MTCL2: variants seen among roughly 807,000 people sequenced by gnomAD.
The protein encoded by MTCL2 is microtubule cross-linking factor 2.
chr20:36,844,400 AAAT>A, the MTCL2 span, among the ~76,000 whole-genome samples: 17 of 145,132 alleles, frequency 1.2e-4, no homozygotes, highest in African/African-American at 2.3e-4. Flanking sequence ...TACAAAAAAA[AAAT>A]AATAATAATA....
chr20:36,802,821 G>A, the MTCL2 span: 1 of 1,568,690 alleles, frequency 6.4e-7, no homozygotes. Context: ...ACTCTCCCTT[G>A]CGGGTGGAAG....
At chr20:36,837,268 C>T in the MTCL2 span, among the ~76,000 whole-genome samples, 2 of 152,192 alleles carry the variant, frequency 1.3e-5, no homozygotes, top group Admixed American at 6.5e-5. Flanking sequence ...CCTGGGGGCC[C>T]TGGAGTTCTC....
chr20:36,822,759 C>CTT, the MTCL2 span, among the ~76,000 whole-genome samples: 4 of 141,316 alleles, frequency 2.8e-5, no homozygotes, highest in South Asian at 2.3e-4. Context: ...ACTCTAGATT[C>CTT]TTTTTTTTTT....
the MTCL2 span, among the ~76,000 whole-genome samples, chr20:36,802,082 T>C: frequency 6.6e-6 from 1 of 151,948 alleles, no homozygotes; most frequent in Non-Finnish European, 1.5e-5. Context: ...GGCCAGGAGT[T>C]TGAGACCAGC....
chr20:36,785,885 C>A, the MTCL2 span: 1 of 985,996 alleles, frequency 1.0e-6, no homozygotes, highest in Non-Finnish European at 1.2e-6. Context: ...ATGGCCCTGG[C>A]TACTGCCCTA....
chr20:36,836,173 A>T, the MTCL2 span, among the ~76,000 whole-genome samples: 1 of 145,740 alleles, frequency 6.9e-6, no homozygotes, highest in Non-Finnish European at 1.5e-5. Context: ...AAACTAACTC[A>T]TTCTTTTTTT....
chr20:36,816,126 G>A, the MTCL2 span: 7 of 1,613,666 alleles, frequency 4.3e-6, no homozygotes, highest in Non-Finnish European at 5.1e-6. Flanking sequence ...CCGCGAGTGG[G>A]GGGCATCGGC....
the MTCL2 span, among the ~76,000 whole-genome samples, chr20:36,807,664 T>C: frequency 6.6e-6 from 1 of 152,002 alleles, no homozygotes; most frequent in Non-Finnish European, 1.5e-5. Flanking sequence ...CGCCCCCACG[T>C]TTCCTGCCAC....
chr20:36,802,930 G>T, the MTCL2 span: 1 of 1,574,382 alleles, frequency 6.4e-7, no homozygotes, highest in African/African-American at 1.3e-5. Flanking sequence ...CGCTCCACCA[G>T]CTGCAGCTTT....
At chr20:36,845,777 T>C in the MTCL2 span, among the ~76,000 whole-genome samples, 1 of 152,072 alleles carries the variant, frequency 6.6e-6, no homozygotes, top group African/African-American at 2.4e-5. Context: ...TCTGTGGTCA[T>C]GCAGTCTGGG....
At chr20:36,808,441 A>C in the MTCL2 span, 1 of 1,287,788 alleles carries the variant, frequency 7.8e-7, no homozygotes, top group Non-Finnish European at 1.1e-6. Flanking sequence ...TGTCAATACC[A>C]GCTGGGCGTC....
chr20:36,787,663 G>A, the MTCL2 span, among the ~76,000 whole-genome samples: 1 of 151,988 alleles, frequency 6.6e-6, no homozygotes, highest in African/African-American at 2.4e-5. Context: ...TGAGGCAGGT[G>A]GATCACGAGG....
chr20:36,811,069 G>A, the MTCL2 span, among the ~76,000 whole-genome samples: 2 of 152,266 alleles, frequency 1.3e-5, no homozygotes, highest in African/African-American at 4.8e-5. Context: ...ATGTCCCTCT[G>A]TGAGAAAGTA....
At chr20:36,848,492 G>T in the MTCL2 span, among the ~76,000 whole-genome samples, 1 of 152,176 alleles carries the variant, frequency 6.6e-6, no homozygotes, top group Non-Finnish European at 1.5e-5. Flanking sequence ...GCAGCAGAGG[G>T]CTTCACAGTT....
the MTCL2 span, among the ~76,000 whole-genome samples, chr20:36,844,957 G>C: frequency 1.2e-4 from 17 of 142,926 alleles, no homozygotes; most frequent in African/African-American, 4.2e-4. Flanking sequence ...ATTGCAGTGA[G>C]CTGAGATCAC....
the MTCL2 span, among the ~76,000 whole-genome samples, chr20:36,803,549 C>G: frequency 6.6e-6 from 1 of 151,978 alleles, no homozygotes; most frequent in South Asian, 2.1e-4. Context: ...GCAGCAGGTG[C>G]AGGGGACACC....
the MTCL2 span, among the ~76,000 whole-genome samples, chr20:36,787,961 G>A: frequency 6.6e-6 from 1 of 150,798 alleles, no homozygotes; most frequent in East Asian, 1.9e-4. Context: ...AGCACTTTGG[G>A]AGGCTATGGC....
the MTCL2 span, chr20:36,863,156 G>C: frequency 7.3e-7 from 1 of 1,366,212 alleles, no homozygotes; most frequent in South Asian, 1.6e-5. The surrounding 1 kb of genome is among the most constrained non-coding windows in gnomAD (Gnocchi z 6.2). Context: ...AGAACGCGGC[G>C]CTGCAGGCGA....
chr20:36,786,162 C>A, the MTCL2 span: 1 of 1,019,608 alleles, frequency 9.8e-7, no homozygotes, highest in Non-Finnish European at 1.2e-6. Context: ...GTGGCATGGG[C>A]AGAACCAGGC....
Sources: gnomAD v4.1 joint callset for allele counts (sites outside exome capture counted in the v4.1 genomes callset) on GRCh38, gnomAD v4.1.1 for gene constraint, Gnocchi (gnomAD v3.1) non-coding constraint, MANE v1.5 for transcripts, NCBI Gene and HGNC (gene_info 2026-07-23, HGNC 2026-07-21) for gene names.